Variants in HCN1 observed in about 807,000 individuals in gnomAD.
The protein encoded by HCN1 is potassium/sodium hyperpolarization-activated cyclic nucleotide-gated channel 1.
HCN1 carries 13 observed loss-of-function variants against 78.9 expected under a neutral mutation model. The observed-to-expected ratio is 0.16, with a 90% CI of 0.11 to 0.26. The LOEUF is 0.26. HCN1 is among the 10% of genes least tolerant of loss of function. HCN1 has a pLI of 1.00. For missense variants in HCN1, 810 were observed against 1,154.3 expected (o/e 0.70, Z 4.32); for synonymous variants, 552 against 455.5 (o/e 1.21, Z -2.70).
At position 45,261,324 on chromosome 5, in the gene HCN1, TAACA is replaced by T. The variant is rs1444713397; in HGVS notation, c.*593_*596del. On this transcript the variant is annotated 3_prime_UTR_variant, in exon 8 of 8. Coordinates refer to ENST00000303230, the MANE Select transcript of HCN1 (RefSeq NM_021072.4). Reference sequence around the variant, plus strand: ...ACATGTTTGAGGTTAGTGATATTCTTAACAAACAGTGGCAATGCTAGTCTCCTAC... The same window carrying T: ...ACATGTTTGAGGTTAGTGATATTCTTAACAGTGGCAATGCTAGTCTCCTAC... 1.3e-5 allele frequency: 2 copies of T among 152,712 alleles called. No individual in the cohort carries two copies. Among genetic ancestry groups the T allele is most frequent in the Non-Finnish European group, 2.9e-5 (2 of 68,170 alleles). The allele number at this position is 152,712 out of a possible 1,614,324, so 9.5% of individuals were successfully genotyped here.
At chr5:45,307,574 C>T (rs1745761223) in intron 5 of HCN1, among the ~76,000 whole-genome samples, 1 of 152,046 alleles carries the variant, frequency 6.6e-6, no homozygotes, top group Non-Finnish European at 1.5e-5. Context: ...CCATTTTAAT[C>T]ATGACAAAAC....
intron 2 of HCN1, among the ~76,000 whole-genome samples, chr5:45,534,614 A>G (rs1742928765): frequency 6.6e-6 from 1 of 151,672 alleles, no homozygotes; most frequent in Non-Finnish European, 1.5e-5. Flanking sequence ...ATGGAGGAAG[A>G]TAACGGAGAC....
rs555967049 is a variant in HCN1 at position 45,434,964 on chromosome 5, A to T, written c.1011+26882T>A. On this transcript the variant is annotated intron_variant, in intron 3 of 7. Transcript: ENST00000303230. ...GTCATAGATCATCTTTATTTTTTTT[A>T]AAAAATGTCACTTGCTATATTGTCT... 2.0e-3 allele frequency among the ~76,000 whole-genome samples: 304 copies of T among 152,150 alleles called. 1 individual carries two copies. The highest frequency in any genetic ancestry group is 6.6e-3 in the African/African-American group (274 of 41,568).
At chr5:45,368,741 C>T (rs1652806644) in intron 4 of HCN1, among the ~76,000 whole-genome samples, 1 of 151,946 alleles carries the variant, frequency 6.6e-6, no homozygotes, top group Non-Finnish European at 1.5e-5. Context: ...TGAGTTTCTA[C>T]CGGGAGCTGG....
intron 3 of HCN1, among the ~76,000 whole-genome samples, chr5:45,444,607 T>C (rs1051867573): frequency 2.0e-5 from 3 of 152,064 alleles, no homozygotes; most frequent in Non-Finnish European, 2.9e-5. Context: ...TCTTATGGGA[T>C]CTTATGTTTG....
intron 2 of HCN1, among the ~76,000 whole-genome samples, chr5:45,577,289 G>A (rs534257538): frequency 3.9e-4 from 60 of 152,118 alleles, no homozygotes; most frequent in African/African-American, 1.2e-3. Flanking sequence ...AGAACAAGAC[G>A]AAAATCTTCT....
At chr5:45,314,601 C>T (rs1484824727) in intron 5 of HCN1, among the ~76,000 whole-genome samples, 3 of 152,130 alleles carry the variant, frequency 2.0e-5, no homozygotes, top group Non-Finnish European at 4.4e-5. Flanking sequence ...CATCAGTGTG[C>T]TATATTCAGG....
At chr5:45,526,547 T>G (rs2111793028) in intron 2 of HCN1, among the ~76,000 whole-genome samples, 1 of 152,258 alleles carries the variant, frequency 6.6e-6, no homozygotes, top group East Asian at 1.9e-4. Context: ...GTCCCTTCTG[T>G]GCCTACTGAC....
chr5:45,385,353 G>T (rs1013958542), intron 4 of HCN1, among the ~76,000 whole-genome samples: 1 of 151,872 alleles, frequency 6.6e-6, no homozygotes, highest in Non-Finnish European at 1.5e-5. Context: ...GTAGTCATTC[G>T]ATTTTTTTTA....
Position 45,681,379 on chromosome 5 carries a change from GTTTT to G in HCN1, c.425+14286_425+14289del, listed in dbSNP as rs1739699384. ...ATGCAAAAACTAAGCTGACATCTTA[GTTTT>G]GCATCTTTTCAGACTCAAGTTCTTT... On this transcript the variant is annotated intron_variant, in intron 1 of 7. Transcript: ENST00000303230. 3.9e-5 allele frequency among the ~76,000 whole-genome samples: 6 copies of G among 151,956 alleles called. No homozygotes were observed. The South Asian group carries it at 1.2e-3, about 31-fold the overall frequency.
intron 6 of HCN1, among the ~76,000 whole-genome samples, chr5:45,281,098 G>C (rs1218235769): frequency 2.0e-5 from 3 of 152,026 alleles, no homozygotes; most frequent in African/African-American, 7.2e-5. Flanking sequence ...GACAGACAAA[G>C]TTTGATTCGG....
At chr5:45,463,527 C>A (rs1278663222) in intron 2 of HCN1, among the ~76,000 whole-genome samples, 2 of 151,910 alleles carry the variant, frequency 1.3e-5, no homozygotes, top group Non-Finnish European at 2.9e-5. Context: ...TATTATATAG[C>A]ATTAAGAATT....
intron 2 of HCN1, among the ~76,000 whole-genome samples, chr5:45,471,816 A>G (rs1371180504): frequency 6.6e-6 from 1 of 151,934 alleles, no homozygotes; most frequent in African/African-American, 2.4e-5. Flanking sequence ...CCAATTCATA[A>G]AATTATGTTG....
Position 45,400,155 on chromosome 5 carries a change from A to G in HCN1, c.1012-3445T>C, listed in dbSNP as rs116692422. ...AAGCATCTTGAGGTATTTAGATAAA[A>G]TGGAAATAATAAAAAGTTCAATGGG... On this transcript the variant is annotated intron_variant, in intron 3 of 7. Transcript: ENST00000303230. Among the ~76,000 whole-genome samples the G allele has an allele frequency of 5.9e-3, 902 of 152,236 alleles. 12 individuals carry two copies. Among genetic ancestry groups the G allele is most frequent in the African/African-American group, 0.019 (790 of 41,556 alleles).
At chr5:45,314,884 C>A (rs576623084) in intron 5 of HCN1, among the ~76,000 whole-genome samples, 86 of 152,098 alleles carry the variant, frequency 5.7e-4, no homozygotes, top group Non-Finnish European at 1.1e-3. Context: ...TATATATGCA[C>A]CCAATACAGG....
chr5:45,320,526 C>T (rs1201087931), intron 5 of HCN1, among the ~76,000 whole-genome samples: 2 of 151,790 alleles, frequency 1.3e-5, no homozygotes, highest in Non-Finnish European at 2.9e-5. Context: ...GGTAGTATTA[C>T]TGCCCCATTT....
chr5:45,449,313 C>T (rs1740863022), intron 3 of HCN1, among the ~76,000 whole-genome samples: 1 of 152,176 alleles, frequency 6.6e-6, no homozygotes, highest in Non-Finnish European at 1.5e-5. Flanking sequence ...ATTATGCTAA[C>T]CACTTCACAA....
At chr5:45,682,428 T>C (rs1199679703) in intron 1 of HCN1, among the ~76,000 whole-genome samples, 1 of 151,650 alleles carries the variant, frequency 6.6e-6, no homozygotes, top group Non-Finnish European at 1.5e-5. Flanking sequence ...AGGAATAAAA[T>C]GCAGATTAAA....
chr5:45,561,039 G>A (rs1743589444), intron 2 of HCN1, among the ~76,000 whole-genome samples: 2 of 152,016 alleles, frequency 1.3e-5, no homozygotes, highest in Non-Finnish European at 2.9e-5. Flanking sequence ...TCTACTTAGA[G>A]TGCCTTTCTT....
Sources: gnomAD v4.1 joint callset for allele counts (sites outside exome capture counted in the v4.1 genomes callset) on GRCh38, gnomAD v4.1.1 for gene constraint, MANE v1.5 for transcripts, NCBI Gene and HGNC (gene_info 2026-07-23, HGNC 2026-07-21) for gene names.